The following IDO2 variants were observed in gnomAD, a reference collection of about 807,000 sequenced individuals.
IDO2 encodes indoleamine 2,3-dioxygenase-like 1 protein.
In IDO2, 46 loss-of-function variants were observed where a neutral mutation model predicts 45.1. The ratio of observed to expected loss-of-function variants is 1.02; its 90% confidence interval spans 0.80 to 1.30. IDO2 has a LOEUF of 1.30. Ranked by LOEUF, IDO2 falls within the 50% of genes most tolerant of loss-of-function variation. The pLI is 0.00. For synonymous variants in IDO2, 218 were observed against 184.9 expected (o/e 1.18, Z -1.45); for missense variants, 544 against 491.8 (o/e 1.11, Z -1.00).
At chr8:39,971,382 A>G (rs879368783) in intron 3 of IDO2, among the ~76,000 whole-genome samples, 2 of 152,208 alleles carry the variant, frequency 1.3e-5, no homozygotes, top group Admixed American at 1.3e-4. Flanking sequence ...CTGGTCACCC[A>G]AGAGCTCTAC....
chr8:40,009,804 CTT>C (rs1278256807), intron 9 of IDO2, among the ~76,000 whole-genome samples: 2 of 152,208 alleles, frequency 1.3e-5, no homozygotes, highest in Non-Finnish European at 2.9e-5. Context: ...ATTAATGTCT[CTT>C]GGCCATTTGA....
chr8:39,948,089 C>G (rs1807765742), intron 1 of IDO2, among the ~76,000 whole-genome samples: 1 of 152,196 alleles, frequency 6.6e-6, no homozygotes, highest in Admixed American at 6.5e-5. Context: ...TGCGCCCAGC[C>G]TCGAGTGCTA....
At chr8:39,983,899 A>T (rs1456586358) in intron 5 of IDO2, among the ~76,000 whole-genome samples, 4 of 151,914 alleles carry the variant, frequency 2.6e-5, no homozygotes, top group African/African-American at 9.7e-5. Context: ...AAGAAGTGAG[A>T]TTCGGCCATC....
Position 40,015,232 on chromosome 8 carries a change from T to A in IDO2, c.869-15T>A, listed in dbSNP as rs745426946. 2 of 1,416,580 alleles carry A rather than the reference T, an allele frequency of 1.4e-6. No individual in the cohort carries two copies. Among genetic ancestry groups the A allele is most frequent in the Non-Finnish European group, 2.0e-6 (2 of 1,011,400 alleles). The allele number at this position is 1,416,580 out of a possible 1,614,324, so 87.8% of individuals were successfully genotyped here. On this transcript the variant is annotated splice_polypyrimidine_tract_variant and intron_variant, in intron 10 of 10. Transcript: ENST00000502986. ...CATGTGGAGCTATGACGTTATGCTG[T>A]ATTGTTTCTTTCAGGTGACTTTCTG...
intron 3 of IDO2, among the ~76,000 whole-genome samples, chr8:39,974,032 G>A (rs867714400): frequency 2.0e-5 from 3 of 152,098 alleles, no homozygotes; most frequent in Admixed American, 6.6e-5. Context: ...GAGCCACTGT[G>A]CCCAGCCAAA....
intron 2 of IDO2, among the ~76,000 whole-genome samples, chr8:39,962,248 A>G (rs1808009921): frequency 6.6e-6 from 1 of 152,186 alleles, no homozygotes; most frequent in Non-Finnish European, 1.5e-5. Flanking sequence ...CCCCAAATTT[A>G]ATAATCACAT....
chr8:39,939,191 C>T (rs111256679), intron 1 of IDO2, among the ~76,000 whole-genome samples: 1 of 145,020 alleles, frequency 6.9e-6, no homozygotes, highest in African/African-American at 2.5e-5. Flanking sequence ...TGCAGTGAGC[C>T]GAGATGGCGC....
At chr8:39,973,918 T>A (rs1808220120) in intron 3 of IDO2, among the ~76,000 whole-genome samples, 1 of 152,062 alleles carries the variant, frequency 6.6e-6, no homozygotes, top group South Asian at 2.1e-4. Flanking sequence ...ATTTTTTATA[T>A]TTTTGGTAGA....
chr8:39,943,841 C>T (rs1807689413), intron 1 of IDO2, among the ~76,000 whole-genome samples: 1 of 151,718 alleles, frequency 6.6e-6, no homozygotes, highest in Non-Finnish European at 1.5e-5. Flanking sequence ...AGCACGCCAA[C>T]TCTCACCACT....
intron 3 of IDO2, among the ~76,000 whole-genome samples, chr8:39,967,813 A>AT (rs1274576413): frequency 6.6e-6 from 1 of 152,232 alleles, no homozygotes; most frequent in African/African-American, 2.4e-5. Flanking sequence ...ACCTATTTGT[A>AT]TGGCTAATTT....
chr8:40,015,588 C>T, exon 11 of IDO2: 1 of 1,610,962 alleles, frequency 6.2e-7, no homozygotes, highest in Non-Finnish European at 8.5e-7. Flanking sequence ...GTCAATCCTT[C>T]ACCCACGTGG....
chr8:40,015,377 T>C, exon 11 of IDO2: 2 of 1,613,960 alleles, frequency 1.2e-6, no homozygotes, highest in South Asian at 1.1e-5. Context: ...TGACAGCTTA[T>C]AACCAGTGTG....
intron 5 of IDO2, among the ~76,000 whole-genome samples, chr8:39,984,494 C>T (rs1040391963): frequency 2.0e-5 from 3 of 152,066 alleles, no homozygotes; most frequent in Non-Finnish European, 4.4e-5. Context: ...CAAAACAAAA[C>T]AAAACAATAA....
intron 3 of IDO2, 117 bp downstream of exon 3, chr8:39,963,820 T>A (rs555565141): frequency 1.7e-6 from 1 of 605,384 alleles, no homozygotes; most frequent in African/African-American, 1.9e-5. Context: ...CCATTGAACT[T>A]ATCAGCAAAG....
chr8:39,963,693 A>T, exon 3 of IDO2: 1 of 1,602,690 alleles, frequency 6.2e-7, no homozygotes, highest in African/African-American at 1.3e-5. Flanking sequence ...CTTCAAGCTC[A>T]TGTGGACAAG....
intron 2 of IDO2, among the ~76,000 whole-genome samples, chr8:39,951,301 A>T (rs576381075): frequency 5.6e-5 from 7 of 126,090 alleles, no homozygotes; most frequent in African/African-American, 1.9e-4. Flanking sequence ...TCTGAGATAG[A>T]ATCTCTTTCT....
At chr8:40,013,777 T>TA in intron 10 of IDO2, 64 bp downstream of exon 10, 6 of 1,167,874 alleles carry the variant, frequency 5.1e-6, no homozygotes, top group Non-Finnish European at 4.4e-6. Flanking sequence ...GTTTTTTTTT[T>TA]TTCCAATTGA....
chr8:39,983,401 C>T (rs984503961), intron 5 of IDO2, among the ~76,000 whole-genome samples: 20 of 152,280 alleles, frequency 1.3e-4, no homozygotes, highest in African/African-American at 4.6e-4. Context: ...TATTTCAGCT[C>T]TAGATGAAAG....
intron 1 of IDO2, among the ~76,000 whole-genome samples, chr8:39,939,612 G>A (rs75520748): frequency 6.8e-6 from 1 of 146,458 alleles, no homozygotes; most frequent in Non-Finnish European, 1.5e-5. Context: ...TTCCGTGATT[G>A]CAGTCTTTAC....
Sources: gnomAD v4.1 joint callset for allele counts (sites outside exome capture counted in the v4.1 genomes callset) on GRCh38, gnomAD v4.1.1 for gene constraint, MANE v1.5 for transcripts, NCBI Gene and HGNC (gene_info 2026-07-23, HGNC 2026-07-21) for gene names.